The following RASA3 variants were observed in gnomAD, a reference collection of about 807,000 sequenced individuals.
RASA3 encodes ras GTPase-activating protein 3.
RASA3 carries 73 observed loss-of-function variants against 110.0 expected under a neutral mutation model. The ratio of observed to expected loss-of-function variants is 0.66; its 90% CI spans 0.55 to 0.81. The LOEUF (loss-of-function observed/expected upper bound fraction) is 0.81. Ranked by LOEUF, RASA3 falls within the 30% of genes least tolerant of loss-of-function variation. RASA3 has a pLI of 0.00. For missense variants in RASA3, 976 were observed against 1,113.2 expected, an observed-to-expected ratio of 0.88 and a Z score of 1.75; for synonymous variants, 500 against 451.4, an observed-to-expected ratio of 1.11 and a Z score of -1.37.
At chr13:114,080,355 T>C (rs914477648) in intron 1 of RASA3, among the ~76,000 whole-genome samples, 2 of 152,010 alleles carry the variant, frequency 1.3e-5, no homozygotes, top group African/African-American at 4.8e-5. Flanking sequence ...TGCGGGCTGA[T>C]TCCAAAACTC....
chr13:114,122,150 G>A (rs532580896), intron 1 of RASA3, among the ~76,000 whole-genome samples: 2 of 152,368 alleles, frequency 1.3e-5, no homozygotes, highest in Admixed American at 1.3e-4. Context: ...CGGCGGCAGA[G>A]CTTCCCCAGG....
intron 7 of RASA3, among the ~76,000 whole-genome samples, chr13:114,025,714 A>G (rs1032304063): frequency 2.0e-5 from 3 of 152,226 alleles, no homozygotes; most frequent in Non-Finnish European, 2.9e-5. Context: ...TCATTTAGAG[A>G]GTTAAAGGGT....
chr13:114,027,483 T>C (rs769178624), intron 6 of RASA3, 22 bp from the exon 7 acceptor site: 5 of 1,589,544 alleles, frequency 3.1e-6, no homozygotes, highest in Admixed American at 1.7e-5. Flanking sequence ...TGAGAAAGGA[T>C]TGGGATTAAA....
chr13:114,080,281 AG>A (rs1244139271), intron 1 of RASA3, among the ~76,000 whole-genome samples: 1 of 152,002 alleles, frequency 6.6e-6, no homozygotes, highest in Non-Finnish European at 1.5e-5. Context: ...CCTGGCCGGG[AG>A]GGGCTGCTGG....
chr13:114,015,395 G>C, intron 13 of RASA3, 63 bp from the exon 14 acceptor site: 1 of 1,592,734 alleles, frequency 6.3e-7, no homozygotes, highest in Admixed American at 1.7e-5. Flanking sequence ...TGTAGCACCA[G>C]GGCACGCCCA....
chr13:114,117,316 ACGTGTGTGACAGATG>A, intron 1 of RASA3, among the ~76,000 whole-genome samples: 1 of 112,908 alleles, frequency 8.9e-6, no homozygotes, highest in African/African-American at 3.3e-5. Context: ...TGAGGGGTGC[ACGTGTGTGACAGATG>A]CATGTGTGTG....
intron 3 of RASA3, among the ~76,000 whole-genome samples, chr13:114,046,660 G>A (rs988547264): frequency 6.6e-6 from 1 of 152,172 alleles, no homozygotes; most frequent in African/African-American, 2.4e-5. Context: ...ATGGAAAGCT[G>A]CTTCCACCCA....
intron 8 of RASA3, 133 bp downstream of exon 8, chr13:114,024,146 C>T (rs1245332775): frequency 1.1e-6 from 1 of 948,498 alleles, no homozygotes; most frequent in Non-Finnish European, 1.7e-6. Flanking sequence ...TTCTAACATC[C>T]TGTTGTGAAA....
At chr13:113,999,747 C>A in intron 19 of RASA3, 80 bp from the exon 20 acceptor site, 1 of 787,292 alleles carries the variant, frequency 1.3e-6, no homozygotes, top group Non-Finnish European at 1.9e-6. Flanking sequence ...GGGTCTCTGC[C>A]GGGGGGTCTC....
chr13:114,050,589 C>T (rs1399531567), intron 3 of RASA3, among the ~76,000 whole-genome samples: 1 of 152,220 alleles, frequency 6.6e-6, no homozygotes, highest in Non-Finnish European at 1.5e-5. Flanking sequence ...TGCCCGGCCC[C>T]GAGGGCCTCT....
intron 18 of RASA3, among the ~76,000 whole-genome samples, chr13:114,004,366 A>G (rs2053468059): frequency 6.6e-6 from 1 of 152,008 alleles, no homozygotes; most frequent in Non-Finnish European, 1.5e-5. Flanking sequence ...CAAACAACTT[A>G]ACAAAAAAAA....
At chr13:114,015,758 G>C (rs1230748704) in intron 13 of RASA3, among the ~76,000 whole-genome samples, 1 of 152,232 alleles carries the variant, frequency 6.6e-6, no homozygotes, top group Non-Finnish European at 1.5e-5. Flanking sequence ...ACAGCTCTGG[G>C]GACAGCCTGG....
At position 114,057,350 on chromosome 13, in the gene RASA3, C is replaced by A; in HGVS notation, c.174-5195G>T. ...CCAACCACTGTGACCAAGCTTCATT[C>A]CCACGAGCTGGACGAGCAGAAGGCA... On this transcript the variant is annotated intron_variant, in intron 2 of 23. Transcript: ENST00000334062. This position sits in a 1 kb window ranked among gnomAD's most constrained non-coding sequence, Gnocchi z 5.0. 1.0e-6 allele frequency: 1 copy of A among 985,404 alleles called. No homozygotes were observed. Among genetic ancestry groups the A allele is most frequent in the Non-Finnish European group, 1.2e-6 (1 of 829,932 alleles). The allele number at this position is 985,404 out of a possible 1,614,324, so 61.0% of individuals were successfully genotyped here.
intron 22 of RASA3, among the ~76,000 whole-genome samples, chr13:113,982,440 G>A (rs1266497451): frequency 1.3e-5 from 2 of 152,232 alleles, no homozygotes; most frequent in Non-Finnish European, 2.9e-5. Context: ...CCCCACCTAC[G>A]CACCGGGGCC....
rs965630795 is a variant in RASA3 at position 114,015,278 on chromosome 13, C to T, written c.1336G>A (p.Val446Met). Residue 446 changes from valine (V) to methionine (M), a missense_variant, in exon 14 of 24, where the codon GTG (valine) becomes ATG (methionine). This residue lies in a region of RASA3 where 732 missense variants were observed against 779.7 expected (regional missense o/e 0.94). Coordinates refer to ENST00000334062, the MANE Select transcript of RASA3 (RefSeq NM_007368.4). ...TCACACATGACGGTCGGGCAGCTCA[C>T]CCCAGACTCAGTGATGGCGTGGAAG... ...RVFHAITESGVSCPTVMCDIF... is the reference protein window; with the variant it reads ...RVFHAITESGMSCPTVMCDIF... 5.6e-6 allele frequency: 9 copies of T among 1,613,062 alleles called. No homozygotes were observed. Among genetic ancestry groups the T allele is most frequent in the African/African-American group, 2.7e-5 (2 of 74,932 alleles).
At chr13:114,110,919 C>T (rs1053449270) in intron 1 of RASA3, among the ~76,000 whole-genome samples, 3 of 152,008 alleles carry the variant, frequency 2.0e-5, no homozygotes, top group South Asian at 2.1e-4. Context: ...GGGCCCCGGT[C>T]GGGGGCTGAG....
At chr13:113,990,121 C>T (rs371272155) in intron 22 of RASA3, among the ~76,000 whole-genome samples, 1 of 152,300 alleles carries the variant, frequency 6.6e-6, no homozygotes, top group African/African-American at 2.4e-5. Context: ...CTCCTTCCTT[C>T]CTCTTTGCCC....
At chr13:114,037,097 G>A (rs371523378) in intron 4 of RASA3, among the ~76,000 whole-genome samples, 2 of 152,232 alleles carry the variant, frequency 1.3e-5, no homozygotes, top group Admixed American at 1.3e-4. Flanking sequence ...AGGCTTGGAG[G>A]ACGCTGGGCT....
chr13:114,117,892 A>C (rs151214801), intron 1 of RASA3, among the ~76,000 whole-genome samples: 3,383 of 148,750 alleles, frequency 0.023, 44 homozygotes, highest in South Asian at 0.045. Flanking sequence ...TGAGGGGTGC[A>C]CGTGTGTGAG....
Sources: allele counts gnomAD v4.1 joint callset (sites outside exome capture counted in the v4.1 genomes callset), GRCh38; gene constraint gnomAD v4.1.1; regional missense constraint gnomAD v4.1.1; non-coding constraint Gnocchi (gnomAD v3.1); transcripts MANE v1.5; gene names NCBI Gene and HGNC (gene_info 2026-07-23, HGNC 2026-07-21).